The following XKR9 variants were observed in gnomAD, a reference collection of about 807,000 sequenced individuals.
The protein encoded by XKR9 is XK-related protein 9.
Under a neutral mutation model 32.0 loss-of-function variants are expected in XKR9, and 32 were observed. The observed-to-expected ratio is 1.00, with a 90% CI of 0.76 to 1.34. The LOEUF (loss-of-function observed/expected upper bound fraction) is 1.34, where lower values mean the gene tolerates loss of function less well. XKR9 is among the 40% of genes most tolerant of loss of function. The probability of loss-of-function intolerance (pLI) is 0.00; values close to 1 mark genes in which losing one functional copy is unlikely to be tolerated. For synonymous variants in XKR9, 168 were observed against 143.4 expected (o/e 1.17, Z -1.22); for missense variants, 546 against 429.7 (o/e 1.27, Z -2.39).
chr8:71,010,535 T>C, the XKR9 span, among the ~76,000 whole-genome samples: 1 of 152,196 alleles, frequency 6.6e-6, no homozygotes, highest in African/African-American at 2.4e-5. Flanking sequence ...TCCTTTCCTA[T>C]TATCTTGTGT....
chr8:70,782,738 C>T (rs987147482), intron 2 of XKR9, among the ~76,000 whole-genome samples: 1 of 152,054 alleles, frequency 6.6e-6, no homozygotes, highest in Non-Finnish European at 1.5e-5. Flanking sequence ...TCCATGTTTT[C>T]AGAAATGATA....
chr8:70,825,955 A>G, the XKR9 span, among the ~76,000 whole-genome samples: 2 of 152,130 alleles, frequency 1.3e-5, no homozygotes, highest in Non-Finnish European at 2.9e-5. Context: ...TCCTCTTTGC[A>G]TCATGTAATA....
the XKR9 span, among the ~76,000 whole-genome samples, chr8:70,978,352 T>A: frequency 9.6e-3 from 1,466 of 152,324 alleles, 23 homozygotes; most frequent in African/African-American, 0.034. Flanking sequence ...GAATTTGGCA[T>A]GTTTTTGGAG....
intron 2 of XKR9, among the ~76,000 whole-genome samples, chr8:70,741,068 A>G (rs1433425906): frequency 1.3e-5 from 2 of 152,232 alleles, no homozygotes; most frequent in Non-Finnish European, 2.9e-5. Flanking sequence ...CCCTGCCCCC[A>G]GAGGTGGAGC....
At chr8:70,798,018 G>A in the XKR9 span, among the ~76,000 whole-genome samples, 2 of 152,120 alleles carry the variant, frequency 1.3e-5, no homozygotes, top group Non-Finnish European at 2.9e-5. Flanking sequence ...GAACATATAA[G>A]TGCATGTGTC....
At chr8:70,857,636 A>G in the XKR9 span, among the ~76,000 whole-genome samples, 2 of 152,200 alleles carry the variant, frequency 1.3e-5, no homozygotes, top group African/African-American at 4.8e-5. Context: ...TCATCCTGAT[A>G]CCAAAGCCTG....
At chr8:71,026,304 G>A in the XKR9 span, among the ~76,000 whole-genome samples, 3 of 152,064 alleles carry the variant, frequency 2.0e-5, no homozygotes, top group South Asian at 6.2e-4. Context: ...AAAATTTATT[G>A]ATTATTTTTC....
chr8:70,808,172 G>A, the XKR9 span, among the ~76,000 whole-genome samples: 1 of 152,094 alleles, frequency 6.6e-6, no homozygotes, highest in Admixed American at 6.5e-5. Context: ...TGACTCCTGG[G>A]TAAATAATGA....
the XKR9 span, among the ~76,000 whole-genome samples, chr8:70,844,635 G>T: frequency 6.6e-6 from 1 of 152,320 alleles, no homozygotes; most frequent in African/African-American, 2.4e-5. Flanking sequence ...AACAGTGCTT[G>T]AACACACTAC....
At chr8:70,948,204 A>G in the XKR9 span, among the ~76,000 whole-genome samples, 63,580 of 151,730 alleles carry the variant, frequency 0.42, 14,364 homozygotes, top group Non-Finnish European at 0.52. Flanking sequence ...TGAAGCATTG[A>G]ATCACAACAG....
the XKR9 span, among the ~76,000 whole-genome samples, chr8:70,993,531 T>C: frequency 6.6e-6 from 1 of 152,132 alleles, no homozygotes; most frequent in Non-Finnish European, 1.5e-5. Flanking sequence ...TTAAAATGTA[T>C]TTAAAATTTA....
the XKR9 span, among the ~76,000 whole-genome samples, chr8:70,819,856 AC>A: frequency 6.6e-6 from 1 of 152,150 alleles, no homozygotes; most frequent in Non-Finnish European, 1.5e-5. Context: ...TGAGATTTGG[AC>A]CAAAGATGAA....
At chr8:70,773,431 C>T (rs951188657) in intron 2 of XKR9, among the ~76,000 whole-genome samples, 1 of 152,162 alleles carries the variant, frequency 6.6e-6, no homozygotes, top group African/African-American at 2.4e-5. Context: ...TTTTTACTTC[C>T]CTTCAGGCTG....
chr8:71,001,100 T>C, the XKR9 span, among the ~76,000 whole-genome samples: 1 of 152,212 alleles, frequency 6.6e-6, no homozygotes, highest in Non-Finnish European at 1.5e-5. Context: ...ACAAACTTTA[T>C]GGATAGTGGA....
the XKR9 span, among the ~76,000 whole-genome samples, chr8:70,939,151 G>A: frequency 1.1e-3 from 160 of 152,172 alleles, 1 homozygote; most frequent in African/African-American, 3.8e-3. Context: ...ACTGAATTAA[G>A]GAAGAGTAGA....
chr8:71,038,910 T>G, the XKR9 span, among the ~76,000 whole-genome samples: 1 of 150,422 alleles, frequency 6.6e-6, no homozygotes, highest in Non-Finnish European at 1.5e-5. Flanking sequence ...GTTCAAGAGA[T>G]TCTACTGCCT....
chr8:70,979,485 C>T, the XKR9 span, among the ~76,000 whole-genome samples: 4 of 152,218 alleles, frequency 2.6e-5, no homozygotes, highest in African/African-American at 7.2e-5. Flanking sequence ...TTCCTTCTAA[C>T]AGTCAGGTCC....
the XKR9 span, among the ~76,000 whole-genome samples, chr8:70,929,758 G>C: frequency 6.6e-6 from 1 of 152,160 alleles, no homozygotes; most frequent in Non-Finnish European, 1.5e-5. Flanking sequence ...AGATCTCGAT[G>C]ACATCCTCTT....
the XKR9 span, among the ~76,000 whole-genome samples, chr8:71,063,693 A>G: frequency 6.6e-6 from 1 of 152,224 alleles, no homozygotes; most frequent in African/African-American, 2.4e-5. Flanking sequence ...TGTGCTTTCC[A>G]CAAAAAAAAA....
Sources: gnomAD v4.1 joint callset for allele counts (sites outside exome capture counted in the v4.1 genomes callset) on GRCh38, gnomAD v4.1.1 for gene constraint, MANE v1.5 for transcripts, NCBI Gene and HGNC (gene_info 2026-07-23, HGNC 2026-07-21) for gene names.